AP2B1: variants seen among roughly 807,000 people sequenced by gnomAD.
AP2B1 encodes AP-2 complex subunit beta.
A neutral mutation model predicts 102.0 loss-of-function variants in AP2B1; 23 were observed. The observed-to-expected ratio is 0.23, with a 90% CI of 0.16 to 0.32. AP2B1 has a LOEUF of 0.32. Ranked by LOEUF, AP2B1 falls within the 10% of genes least tolerant of loss-of-function variation. The probability of loss-of-function intolerance (pLI) is 1.00; values close to 1 mark genes in which losing one functional copy is unlikely to be tolerated. For synonymous variants in AP2B1, 381 were observed against 421.2 expected (o/e 0.90, Z 1.17); for missense variants, 541 against 1,157.4 (o/e 0.47, Z 7.73).
In AP2B1 at chr17:35,656,279, G is replaced by GGGGGCCAAA. The variant is rs2075217219; in HGVS notation, c.1797-1319_1797-1318insGGGCCAAAG. 5.9e-5 allele frequency among the ~76,000 whole-genome samples: 9 copies of GGGGGCCAAA among 152,324 alleles called. No homozygotes were observed. The South Asian group carries it at 1.9e-3, about 32-fold the overall frequency. ...TACCTTGTGAACCATAGGGGGCCAAGGTTCATTTTTCCCCCACATAGCTAT... is the reference window on the plus strand; with the variant it reads ...TACCTTGTGAACCATAGGGGGCCAAGGGGGCCAAAGTTCATTTTTCCCCCACATAGCTAT... On this transcript the variant is annotated intron_variant, in intron 13 of 21. Transcript: ENST00000610402.
At position 35,648,791 on chromosome 17, in the gene AP2B1, A is replaced by G. The variant is rs72828078; in HGVS notation, c.1537-1739A>G. Among the ~76,000 whole-genome samples, 277 of 149,652 alleles carry G rather than the reference A, an allele frequency of 1.9e-3. 1 individual carries two copies. Among genetic ancestry groups the G allele is most frequent in the Non-Finnish European group, 3.1e-3 (210 of 67,292 alleles). ...GTGTGTGTGACCCATCTGGACAGAT[A>G]TATACCACATTACTAATCATGGCTA... On this transcript the variant is annotated intron_variant, in intron 12 of 21. Transcript: ENST00000610402.
At chr17:35,588,665 A>T (rs1430968952) in intron 1 of AP2B1, 3 of 152,270 alleles carry the variant, frequency 2.0e-5, no homozygotes, top group Admixed American at 6.5e-5. Context: ...AAAGCAGCAG[A>T]TGAAGGAGGT....
intron 14 of AP2B1, chr17:35,659,751 C>G (rs1364306306): frequency 1.0e-6 from 1 of 961,444 alleles, no homozygotes; most frequent in Non-Finnish European, 1.2e-6. Context: ...AAATGGTATC[C>G]TTGGTGTTAC....
chr17:35,632,075 T>A (rs949792773), intron 9 of AP2B1, among the ~76,000 whole-genome samples: 3 of 136,724 alleles, frequency 2.2e-5, no homozygotes, highest in East Asian at 4.2e-4. Flanking sequence ...CCTAAAGTTA[T>A]ATAAAATTCA....
At chr17:35,667,016 C>G (rs940939192) in intron 14 of AP2B1, among the ~76,000 whole-genome samples, 3 of 152,212 alleles carry the variant, frequency 2.0e-5, no homozygotes, top group Non-Finnish European at 1.5e-5. Context: ...CTGTCTAGTT[C>G]AGGCTGATAT....
At chr17:35,697,701 G>T (rs587666693) in intron 18 of AP2B1, among the ~76,000 whole-genome samples, 1 of 152,238 alleles carries the variant, frequency 6.6e-6, no homozygotes, top group Admixed American at 6.5e-5. Context: ...GGTGGCTCAC[G>T]CCTGTAATCC....
chr17:35,640,237 T>A (rs28595503), intron 11 of AP2B1, among the ~76,000 whole-genome samples: 5 of 144,490 alleles, frequency 3.5e-5, no homozygotes, highest in Non-Finnish European at 3.0e-5. Flanking sequence ...ATTTTTTTTT[T>A]TTTTTTTTTT....
chr17:35,655,890 T>A (rs1230669476), intron 13 of AP2B1, among the ~76,000 whole-genome samples: 1 of 152,260 alleles, frequency 6.6e-6, no homozygotes, highest in African/African-American at 2.4e-5. Context: ...ATGAGTAAAG[T>A]TGCTAAGCAC....
chr17:35,674,432 A>G, intron 17 of AP2B1, 111 bp downstream of exon 17: 1 of 1,302,910 alleles, frequency 7.7e-7, no homozygotes, highest in South Asian at 1.4e-5. Context: ...GGCCAGGTAC[A>G]GTGGCTCATG....
intron 5 of AP2B1, among the ~76,000 whole-genome samples, chr17:35,613,481 C>G (rs149866719): frequency 2.6e-5 from 4 of 152,106 alleles, no homozygotes; most frequent in East Asian, 3.9e-4. Context: ...TTAGTTGAAG[C>G]TAACTTTTGA....
chr17:35,693,374 C>A (rs2076078241), intron 18 of AP2B1, among the ~76,000 whole-genome samples: 1 of 152,040 alleles, frequency 6.6e-6, no homozygotes, highest in Non-Finnish European at 1.5e-5. Context: ...GATCCTAGTT[C>A]TACATTTTGA....
At chr17:35,718,122 G>A (rs2085233667) in intron 21 of AP2B1, among the ~76,000 whole-genome samples, 1 of 152,112 alleles carries the variant, frequency 6.6e-6, no homozygotes, top group South Asian at 2.1e-4. Flanking sequence ...TTATTTCTGA[G>A]GAAGCTGAAT....
Position 35,671,963 on chromosome 17 carries a change from C to G in AP2B1, c.2178+63C>G, listed in dbSNP as rs1409869170. The G allele has an allele frequency of 1.8e-5, 28 of 1,559,208 alleles. 1 individual carries two copies. Among genetic ancestry groups the G allele is most frequent in the African/African-American group, 4.1e-5 (3 of 73,866 alleles). On this transcript the variant is annotated intron_variant, in intron 16 of 21. Transcript: ENST00000610402. ...GACAGGACCCAAACTGTTTCACTTT[C>G]AACATTTGTGTTACTTCTACTGGTA... is the stretch of plus-strand genomic sequence containing the variant.
At chr17:35,591,847 C>T (rs1473138790) in intron 1 of AP2B1, among the ~76,000 whole-genome samples, 1 of 152,124 alleles carries the variant, frequency 6.6e-6, no homozygotes, top group African/African-American at 2.4e-5. Context: ...TTGCATAAGG[C>T]AAGCTTCAGT....
At chr17:35,591,540 G>T (rs1442833587) in intron 1 of AP2B1, among the ~76,000 whole-genome samples, 13 of 152,154 alleles carry the variant, frequency 8.5e-5, no homozygotes, top group Non-Finnish European at 1.2e-4. Context: ...TTCTAAGGAG[G>T]TTTTGTTTTA....
intron 9 of AP2B1, among the ~76,000 whole-genome samples, chr17:35,634,555 A>T (rs1236132579): frequency 6.6e-6 from 1 of 152,102 alleles, no homozygotes; most frequent in African/African-American, 2.4e-5. Flanking sequence ...TTTCACCTGT[A>T]TTCTCTCATA....
chr17:35,619,207 T>A (rs1306685215), intron 5 of AP2B1, among the ~76,000 whole-genome samples: 2 of 152,236 alleles, frequency 1.3e-5, no homozygotes, highest in Non-Finnish European at 2.9e-5. Flanking sequence ...AATAGGTGGC[T>A]TTTAGTAGCA....
chr17:35,697,440 A>G (rs1456050987), intron 18 of AP2B1, among the ~76,000 whole-genome samples: 2 of 152,234 alleles, frequency 1.3e-5, no homozygotes, highest in Admixed American at 1.3e-4. Flanking sequence ...GCCTTAGACT[A>G]TTTTGGTTAA....
rs534767143 is a variant in AP2B1, at chr17:35,656,864, G to A, written c.1797-735G>A. Among the ~76,000 whole-genome samples, 16 of 136,022 alleles carry A rather than the reference G, an allele frequency of 1.2e-4. No homozygotes were observed. The South Asian group carries it at 3.4e-3, about 29-fold the overall frequency. 89.2% of individuals were successfully genotyped at this position (136,022 alleles called of 152,430 possible). On this transcript the variant is annotated intron_variant, in intron 13 of 21. Coordinates refer to ENST00000610402, the MANE Select transcript of AP2B1 (RefSeq NM_001030006.2). ...GGCGCCACTGCACTCCAGCCTGGGC[G>A]ACAGAGCGAGACTCCGTCTCAAAAA...
Sources: allele counts gnomAD v4.1 joint callset (sites outside exome capture counted in the v4.1 genomes callset), GRCh38; gene constraint gnomAD v4.1.1; transcripts MANE v1.5; gene names NCBI Gene and HGNC (gene_info 2026-07-23, HGNC 2026-07-21).